Variants in ARID1B observed in about 807,000 individuals in gnomAD.
The protein encoded by ARID1B is AT-rich interaction domain 1B.
Under a neutral mutation model 212.3 loss-of-function variants are expected in ARID1B, and 30 were observed. The observed-to-expected ratio is 0.14, with a 90% CI of 0.11 to 0.19. The LOEUF is 0.19. Among genes scored for constraint, ARID1B ranks in the 10% least tolerant of loss-of-function variants. The pLI is 1.00. For missense variants in ARID1B, 2,891 were observed against 3,204.0 expected (o/e 0.90, Z 2.36); for synonymous variants, 1,402 against 1,301.7 (o/e 1.08, Z -1.66).
At chr6:156,878,541 A>G (rs775045236) in intron 2 of ARID1B, among the ~76,000 whole-genome samples, 2 of 152,196 alleles carry the variant, frequency 1.3e-5, no homozygotes, top group Non-Finnish European at 2.9e-5. Flanking sequence ...TCTTTGTATT[A>G]CTGGCTAATG....
chr6:156,990,015 G>A (rs1234354563), intron 4 of ARID1B, among the ~76,000 whole-genome samples: 2 of 152,106 alleles, frequency 1.3e-5, no homozygotes, highest in African/African-American at 4.8e-5. Flanking sequence ...TATACAGAAA[G>A]TATTTAATTC....
intron 3 of ARID1B, among the ~76,000 whole-genome samples, chr6:156,904,973 A>G (rs1789242838): frequency 6.6e-6 from 1 of 152,202 alleles, no homozygotes; most frequent in Non-Finnish European, 1.5e-5. Flanking sequence ...TTCTTTTTCT[A>G]AGCATATAGT....
At chr6:157,035,140 A>G (rs1237628946) in intron 4 of ARID1B, among the ~76,000 whole-genome samples, 1 of 152,246 alleles carries the variant, frequency 6.6e-6, no homozygotes, top group Non-Finnish European at 1.5e-5. Flanking sequence ...TTATCTTTAA[A>G]TAGAGCTCTA....
At chr6:156,945,611 G>T (rs1294480499) in intron 4 of ARID1B, among the ~76,000 whole-genome samples, 1 of 152,142 alleles carries the variant, frequency 6.6e-6, no homozygotes, top group Admixed American at 6.6e-5. Context: ...CACACCTGGG[G>T]AAAATGTGTA....
chr6:157,207,808 C>T lies in ARID1B; in HGVS notation c.7036C>T (p.Leu2346=), dbSNP rs2128399544. The change falls in exon 20 of 20, where the codon CTG becomes TTG. Residue 2346 remains leucine, a synonymous_variant. Coordinates refer to ENST00000636930, the MANE Select transcript of ARID1B (RefSeq NM_001374828.1). This position sits in a 1 kb window ranked among gnomAD's most constrained non-coding sequence, Gnocchi z 8.5. ...SEFLLHEGRL[L]DISISAVLNS... The stretch of plus-strand genomic sequence containing the variant: ...ATTCCTTTTGCACGAGGGCCGGTTG[C>T]TGGATATCTCGATATCAGCTGTCCT... 1 of 1,546,152 alleles carries T rather than the reference C, an allele frequency of 6.5e-7. No individual in the cohort carries two copies. Among genetic ancestry groups the T allele is most frequent in the Non-Finnish European group, 8.7e-7 (1 of 1,143,610 alleles).
intron 2 of ARID1B, among the ~76,000 whole-genome samples, chr6:156,881,872 G>A (rs933271781): frequency 2.6e-5 from 4 of 152,174 alleles, no homozygotes; most frequent in African/African-American, 9.7e-5. Flanking sequence ...GTGTAGCATT[G>A]GGGGAAGCCC....
intron 5 of ARID1B, among the ~76,000 whole-genome samples, chr6:157,093,328 G>A (rs1785401036): frequency 1.3e-5 from 2 of 152,126 alleles, no homozygotes; most frequent in Admixed American, 6.5e-5. Flanking sequence ...GAGAGTGTTA[G>A]GTTTATTTCC....
rs923432267 is a variant in ARID1B at position 156,893,710 on chromosome 6, A to G, written c.1987-7666A>G. Among the ~76,000 whole-genome samples the G allele has an allele frequency of 4.6e-5, 7 of 152,234 alleles. No homozygotes were observed. In the East Asian group the frequency reaches 1.2e-3, roughly 25 times the overall value. On this transcript the variant is annotated intron_variant, in intron 2 of 19. Transcript: ENST00000636930. ...AGCACTGATCATTAGAGAAATGCAA[A>G]TTTCACAATGAGTATGTTATCACTT...
At chr6:156,925,954 T>G (rs965823863) in intron 3 of ARID1B, among the ~76,000 whole-genome samples, 1 of 152,194 alleles carries the variant, frequency 6.6e-6, no homozygotes, top group Non-Finnish European at 1.5e-5. Context: ...CCACCCAGTA[T>G]GGCTGGTGGA....
At chr6:156,932,747 CTG>C (rs1432372732) in intron 3 of ARID1B, among the ~76,000 whole-genome samples, 2 of 152,194 alleles carry the variant, frequency 1.3e-5, no homozygotes, top group Non-Finnish European at 2.9e-5. Context: ...TATAGTCCCA[CTG>C]TAAGTTATAT....
intron 3 of ARID1B, among the ~76,000 whole-genome samples, chr6:156,903,249 T>C (rs1582912656): frequency 6.6e-6 from 1 of 152,254 alleles, no homozygotes; most frequent in East Asian, 1.9e-4. Flanking sequence ...ATTATTTTAA[T>C]GTGCTTAGTT....
rs551650804 is a variant in ARID1B, at chr6:157,150,713, G to A, written c.3089+1762G>A. The A allele has an allele frequency of 2.3e-5, 4 of 177,700 alleles. No individual in the cohort carries two copies. In the South Asian group the frequency reaches 7.9e-4, roughly 35 times the overall value. 11.0% of individuals were successfully genotyped at this position (177,700 alleles called of 1,614,324 possible). On this transcript the variant is annotated intron_variant, in intron 8 of 19. Coordinates refer to ENST00000636930, the MANE Select transcript of ARID1B (RefSeq NM_001374828.1). ...ACAAATCCCAAGAAGCTGTTCTTCTGTTCCACTTTAGGCCACCATACATTA... is the reference window on the plus strand; with the variant it reads ...ACAAATCCCAAGAAGCTGTTCTTCTATTCCACTTTAGGCCACCATACATTA...
rs561709209 is a variant in ARID1B at position 157,159,087 on chromosome 6, C to G, written c.3090-7953C>G. Reference sequence around the variant, plus strand: ...AGGATTTAGGACCCACTGCTACCCCCCTGTGGCTCTAATCCACACTGTGCG... The same window carrying G: ...AGGATTTAGGACCCACTGCTACCCCGCTGTGGCTCTAATCCACACTGTGCG... On this transcript the variant is annotated intron_variant, in intron 8 of 19. Transcript: ENST00000636930. 9.2e-5 allele frequency among the ~76,000 whole-genome samples: 14 copies of G among 152,320 alleles called. No homozygotes were observed. In the South Asian group the frequency reaches 1.4e-3, roughly 16 times the overall value.
chr6:156,787,814 A>G (rs1318439124), intron 1 of ARID1B, among the ~76,000 whole-genome samples: 1 of 152,104 alleles, frequency 6.6e-6, no homozygotes, highest in African/African-American at 2.4e-5. Context: ...AGGCATCCTG[A>G]CACAATGGTA....
intron 4 of ARID1B, among the ~76,000 whole-genome samples, chr6:156,950,833 A>C (rs560360252): frequency 1.3e-5 from 2 of 152,286 alleles, no homozygotes; most frequent in East Asian, 3.9e-4. Context: ...CTTAAATCAT[A>C]CTTACTGTTA....
At chr6:156,951,351 A>G (rs1200335559) in intron 4 of ARID1B, among the ~76,000 whole-genome samples, 2 of 152,248 alleles carry the variant, frequency 1.3e-5, no homozygotes, top group East Asian at 1.9e-4. Context: ...ATGAATAATG[A>G]TTAAATTTAA....
At chr6:157,123,247 C>G (rs9383821) in intron 6 of ARID1B, among the ~76,000 whole-genome samples, 12 of 111,766 alleles carry the variant, frequency 1.1e-4, no homozygotes, top group African/African-American at 3.6e-4. Flanking sequence ...CGCCCCCCCC[C>G]CACACACACA....
chr6:156,954,195 A>G (rs1443916411), intron 4 of ARID1B, among the ~76,000 whole-genome samples: 1 of 152,024 alleles, frequency 6.6e-6, no homozygotes, highest in Non-Finnish European at 1.5e-5. Context: ...AATATTAAAA[A>G]TGAAGTTCTT....
intron 3 of ARID1B, among the ~76,000 whole-genome samples, chr6:156,917,416 C>G (rs1790445563): frequency 6.6e-6 from 1 of 152,218 alleles, no homozygotes; most frequent in South Asian, 2.1e-4. Context: ...AAAGGAGCCC[C>G]TAGTTGAACA....
Sources: gnomAD v4.1 joint callset for allele counts (sites outside exome capture counted in the v4.1 genomes callset) on GRCh38, gnomAD v4.1.1 for gene constraint, Gnocchi (gnomAD v3.1) non-coding constraint, MANE v1.5 for transcripts, NCBI Gene and HGNC (gene_info 2026-07-23, HGNC 2026-07-21) for gene names.